The following MYH13 variants were observed in gnomAD, a reference collection of about 807,000 sequenced individuals.
MYH13 encodes myosin-13.
Under a neutral mutation model 232.1 loss-of-function variants are expected in MYH13, and 177 were observed. That is an observed-to-expected ratio of 0.76 (90% CI 0.67 to 0.86). The LOEUF (loss-of-function observed/expected upper bound fraction) is 0.86. Ranked by LOEUF, MYH13 falls within the 40% of genes least tolerant of loss-of-function variation. The pLI is 0.00. For missense variants in MYH13, 2,246 were observed against 2,405.9 expected, an observed-to-expected ratio of 0.93 and a Z score of 1.39; for synonymous variants, 884 against 923.5, an observed-to-expected ratio of 0.96 and a Z score of 0.78.
rs147949319 is a variant in MYH13, at chr17:10,361,292, C to CTT, written c.505+824_505+825dup. The stretch of plus-strand genomic sequence containing the variant: ...AGGTCTCAGATTCAGATGCTAGACT[C>CTT]TTTTTTTTTTTTTTTTGAGACGGAG... On this transcript the variant is annotated intron_variant, in intron 5 of 40. Coordinates refer to ENST00000252172, the MANE Select transcript of MYH13 (RefSeq NM_003802.3). 3.1e-3 allele frequency among the ~76,000 whole-genome samples: 428 copies of CTT among 137,102 alleles called. 4 individuals carry two copies. The highest frequency in any genetic ancestry group is 4.0e-3 in the South Asian group (17 of 4,212). The allele number at this position is 137,102 out of a possible 152,430, so 89.9% of individuals were successfully genotyped here. A position where few individuals can be genotyped will look rare whatever the true frequency, so the allele number is the denominator to read the frequency against.
At chr17:10,333,256 AC>A in intron 18 of MYH13, 65 bp from the exon 19 acceptor site, 1 of 1,116,722 alleles carries the variant, frequency 9.0e-7, no homozygotes, top group Non-Finnish European at 1.3e-6. Flanking sequence ...GGTCTGAGGC[AC>A]CATGAGACCC....
intron 23 of MYH13, among the ~76,000 whole-genome samples, chr17:10,323,157 G>A (rs28661121): frequency 0.17 from 26,422 of 152,012 alleles, 2,710 homozygotes; most frequent in East Asian, 0.51. Context: ...ATGGACAGGT[G>A]GAAGAATTCC....
intron 35 of MYH13, 23 bp downstream of exon 35, chr17:10,309,211 C>T (rs1567655581): frequency 1.9e-6 from 3 of 1,607,522 alleles, no homozygotes; most frequent in Admixed American, 1.7e-5. Context: ...GGACCTTCAG[C>T]GGAGGAGTGA....
intron 39 of MYH13, 60 bp downstream of exon 39, chr17:10,303,136 A>C: frequency 6.7e-7 from 1 of 1,482,312 alleles, no homozygotes; most frequent in African/African-American, 1.4e-5. Flanking sequence ...TGGCGGGGAC[A>C]CCCAGGATGC....
At chr17:10,339,509 C>G (rs1024806045) in intron 18 of MYH13, among the ~76,000 whole-genome samples, 2 of 152,142 alleles carry the variant, frequency 1.3e-5, no homozygotes, top group Admixed American at 1.3e-4. Flanking sequence ...TGGCTTCAAA[C>G]AGTTGTTATT....
rs1205449913 is a variant in MYH13, at chr17:10,309,782, G to A, written c.4705C>T (p.Leu1569=). 5 of 1,598,974 alleles carry A rather than the reference G, an allele frequency of 3.1e-6. No individual in the cohort carries two copies. Among genetic ancestry groups the A allele is most frequent in the Non-Finnish European group, 4.3e-6 (5 of 1,172,544 alleles). The part of the protein sequence containing the change: ...ESKILRVQLE[L]SQVKSELDRK... ...TCTAGCTCGGATTTCACCTGGCTCA[G>A]CTCTAGCTGCACGCGCAAGATCTTG... Residue 1569 remains leucine (L), a synonymous_variant, in exon 34 of 41, where the codon CTG becomes TTG. Transcript: ENST00000252172.
At chr17:10,328,998 CT>C (rs1269499632) in intron 21 of MYH13, among the ~76,000 whole-genome samples, 1 of 152,136 alleles carries the variant, frequency 6.6e-6, no homozygotes. Flanking sequence ...ATTTCTGCTG[CT>C]GTTTTCATCC....
chr17:10,346,863 CT>C, intron 12 of MYH13, 65 bp from the exon 13 acceptor site: 1 of 1,185,832 alleles, frequency 8.4e-7, no homozygotes, highest in Non-Finnish European at 1.2e-6. Context: ...CAGTCAGCCC[CT>C]GGCTTCTCCC....
chr17:10,342,616 A>G (rs1291171832), intron 16 of MYH13, among the ~76,000 whole-genome samples: 2 of 152,356 alleles, frequency 1.3e-5, no homozygotes, highest in Admixed American at 6.5e-5. Context: ...TTATTTGTCC[A>G]TAAGAAAGAA....
intron 22 of MYH13, among the ~76,000 whole-genome samples, chr17:10,326,981 G>GTTTT (rs61543278): frequency 0.092 from 5,147 of 55,830 alleles, 2,346 homozygotes; most frequent in Non-Finnish European, 0.12. Flanking sequence ...ATGCCTACTA[G>GTTTT]TTTTTTTTTT....
In MYH13 at chr17:10,312,558, G is replaced by A. The variant is rs1597885090; in HGVS notation, c.4365+16C>T. ...TCCTCATGCCATCTTCACAAAGAAA[G>A]CGGCTGGGGAAGGACCTTGTCGAAG... On this transcript the variant is annotated intron_variant, in intron 31 of 40. Coordinates refer to ENST00000252172, the MANE Select transcript of MYH13 (RefSeq NM_003802.3). 6.2e-7 allele frequency: 1 copy of A among 1,602,812 alleles called. No homozygotes were observed.
chr17:10,322,163 C>T (rs540032186), intron 23 of MYH13, among the ~76,000 whole-genome samples: 10 of 151,998 alleles, frequency 6.6e-5, no homozygotes, highest in Non-Finnish European at 1.2e-4. Flanking sequence ...GAGGCCGAGG[C>T]GGACGGATCA....
chr17:10,339,101 A>G (rs2071600949), intron 18 of MYH13, among the ~76,000 whole-genome samples: 1 of 150,948 alleles, frequency 6.6e-6, no homozygotes, highest in South Asian at 2.1e-4. Flanking sequence ...CAACCCCCCG[A>G]CAACGTATAC....
intron 1 of MYH13, among the ~76,000 whole-genome samples, chr17:10,372,681 C>T (rs972005323): frequency 1.3e-5 from 2 of 152,180 alleles, no homozygotes; most frequent in African/African-American, 4.8e-5. Flanking sequence ...AACAGTATAA[C>T]ATTGACCTAA....
In MYH13 at chr17:10,309,758, C is replaced by G. The variant is rs1906437726; in HGVS notation, c.4729G>C (p.Asp1577His). The G allele has an allele frequency of 1.9e-6, 3 of 1,601,192 alleles. No homozygotes were observed. Among genetic ancestry groups the G allele is most frequent in the South Asian group, 1.1e-5 (1 of 88,520 alleles). Residue 1577 changes from aspartate to histidine, a missense_variant, in exon 34 of 41, where the codon GAC (aspartate) becomes CAC (histidine). Transcript: ENST00000252172. Reference sequence around the variant, plus strand: ...TCATCCTTCTCAATGACCTTGCGGTCTAGCTCGGATTTCACCTGGCTCAGC... The same window carrying G: ...TCATCCTTCTCAATGACCTTGCGGTGTAGCTCGGATTTCACCTGGCTCAGC... ...LELSQVKSEL[D>H]RKVIEKDEEI...
chr17:10,326,473 CTTTT>C (rs777080430), intron 22 of MYH13, among the ~76,000 whole-genome samples: 1 of 151,370 alleles, frequency 6.6e-6, no homozygotes, highest in Non-Finnish European at 1.5e-5. Flanking sequence ...TTCTTTCTTT[CTTTT>C]TTCTTTTTTT....
chr17:10,357,663 G>C, intron 8 of MYH13, 72 bp downstream of exon 8: 1 of 1,443,172 alleles, frequency 6.9e-7, no homozygotes, highest in Non-Finnish European at 9.7e-7. Flanking sequence ...TTATGGGGCA[G>C]TTTTTCATAT....
At chr17:10,316,571 G>T (rs147857621) in intron 27 of MYH13, among the ~76,000 whole-genome samples, 166 of 152,350 alleles carry the variant, frequency 1.1e-3, no homozygotes, top group African/African-American at 3.7e-3. Flanking sequence ...CCTTTGAGAA[G>T]ATGTCACTTT....
chr17:10,366,999 A>G (rs1286829453), intron 2 of MYH13, among the ~76,000 whole-genome samples: 2 of 152,254 alleles, frequency 1.3e-5, no homozygotes, highest in Non-Finnish European at 2.9e-5. Flanking sequence ...TGCAGCACCC[A>G]CAAATAAGAC....
Sources: allele counts gnomAD v4.1 joint callset (sites outside exome capture counted in the v4.1 genomes callset), GRCh38; gene constraint gnomAD v4.1.1; transcripts MANE v1.5; gene names NCBI Gene and HGNC (gene_info 2026-07-23, HGNC 2026-07-21).